Variants in ZPBP observed in about 807,000 individuals in gnomAD.
ZPBP encodes the protein zona pellucida binding protein, also known as zona pellucida-binding protein 1.
In ZPBP, 26 loss-of-function variants were observed where a neutral mutation model predicts 44.8. That is an observed-to-expected ratio of 0.58 (90% CI 0.43 to 0.81). The LOEUF (loss-of-function observed/expected upper bound fraction) is 0.81, where lower values mean the gene tolerates loss of function less well. Ranked by LOEUF, ZPBP falls within the 30% of genes least tolerant of loss-of-function variation. The probability of loss-of-function intolerance (pLI) is 0.00; values close to 1 mark genes in which losing one functional copy is unlikely to be tolerated. For synonymous variants in ZPBP, 174 were observed against 153.2 expected, an observed-to-expected ratio of 1.14 and a Z score of -1.00; for missense variants, 409 against 434.0, an observed-to-expected ratio of 0.94 and a Z score of 0.51.
intron 1 of ZPBP, chr7:49,920,165 A>G (rs1793956059): frequency 6.6e-6 from 1 of 152,208 alleles, no homozygotes; most frequent in South Asian, 2.1e-4. Flanking sequence ...AGAGCAATAT[A>G]GAGCAAAACA....
intron 6 of ZPBP, among the ~76,000 whole-genome samples, chr7:49,994,686 G>A (rs569492500): frequency 6.6e-6 from 1 of 152,108 alleles, no homozygotes; most frequent in Admixed American, 6.5e-5. Flanking sequence ...AATTCTAAAG[G>A]CCTGTGATAT....
At chr7:50,048,193 T>C (rs1364666065) in intron 4 of ZPBP, among the ~76,000 whole-genome samples, 4 of 152,006 alleles carry the variant, frequency 2.6e-5, no homozygotes, top group African/African-American at 7.2e-5. Flanking sequence ...TTTATTATGA[T>C]AAAAAGGTCA....
intron 2 of ZPBP, among the ~76,000 whole-genome samples, chr7:49,857,002 A>C: frequency 9.3e-6 from 1 of 107,570 alleles, no homozygotes. Context: ...AGAGCCAGAT[A>C]CTGTCTCAAA....
At chr7:49,980,524 C>G (rs1374943130) in intron 7 of ZPBP, among the ~76,000 whole-genome samples, 2 of 151,350 alleles carry the variant, frequency 1.3e-5, no homozygotes, top group African/African-American at 2.4e-5. Context: ...AAGTTTGAGA[C>G]TGGGCATTCG....
chr7:49,878,682 T>C (rs1182330539), intron 2 of ZPBP, among the ~76,000 whole-genome samples: 2 of 152,194 alleles, frequency 1.3e-5, no homozygotes, highest in Non-Finnish European at 2.9e-5. Context: ...TGTGGTTCAA[T>C]GTCTTTGATA....
intron 2 of ZPBP, among the ~76,000 whole-genome samples, chr7:49,894,235 C>T (rs941064686): frequency 6.6e-6 from 1 of 152,222 alleles, no homozygotes; most frequent in South Asian, 2.1e-4. Flanking sequence ...CAGCTCACCT[C>T]AGCCTCGACC....
At chr7:49,926,352 TG>T (rs1473281735) in intron 1 of ZPBP, among the ~76,000 whole-genome samples, 1 of 152,232 alleles carries the variant, frequency 6.6e-6, no homozygotes, top group Non-Finnish European at 1.5e-5. Flanking sequence ...TTCTACTACC[TG>T]CAGCTTAGGC....
chr7:50,021,069 T>A (rs1019664309), intron 5 of ZPBP, among the ~76,000 whole-genome samples: 8 of 152,014 alleles, frequency 5.3e-5, no homozygotes, highest in African/African-American at 1.9e-4. Flanking sequence ...ATTTCAAAAG[T>A]ATCCATTACA....
At chr7:49,883,318 C>G (rs1274260035) in intron 2 of ZPBP, among the ~76,000 whole-genome samples, 1 of 151,970 alleles carries the variant, frequency 6.6e-6, no homozygotes, top group Admixed American at 6.6e-5. Flanking sequence ...GCCGAGTTAG[C>G]AAGCTGCAAT....
At chr7:49,955,521 C>A (rs1795551626) in intron 7 of ZPBP, among the ~76,000 whole-genome samples, 1 of 151,908 alleles carries the variant, frequency 6.6e-6, no homozygotes, top group Non-Finnish European at 1.5e-5. Flanking sequence ...CACGCCACTG[C>A]ACTCCAGCCT....
At chr7:50,010,635 T>C (rs1446143321) in intron 6 of ZPBP, among the ~76,000 whole-genome samples, 1 of 151,966 alleles carries the variant, frequency 6.6e-6, no homozygotes, top group South Asian at 2.1e-4. Flanking sequence ...CTTAGGAATA[T>C]ACCTAATAAA....
chr7:50,021,943 G>A (rs993306009), intron 5 of ZPBP, among the ~76,000 whole-genome samples: 4 of 152,128 alleles, frequency 2.6e-5, no homozygotes, highest in African/African-American at 9.7e-5. Context: ...AAAGCAGCAA[G>A]AAAGAAGTAA....
downstream of ZPBP, among the ~76,000 whole-genome samples, chr7:49,936,901 C>T (rs754725078): frequency 4.6e-5 from 7 of 151,986 alleles, no homozygotes; most frequent in Non-Finnish European, 1.0e-4. Context: ...GAAAGTTCAA[C>T]TATTAATTTA....
intron 7 of ZPBP, among the ~76,000 whole-genome samples, chr7:49,969,155 C>G (rs1350513498): frequency 4.0e-5 from 6 of 149,160 alleles, no homozygotes. Context: ...AGTATTTATA[C>G]ATATTTTTAT....
chr7:49,919,856 G>T (rs1218753985), intron 1 of ZPBP: 1 of 152,130 alleles, frequency 6.6e-6, no homozygotes, highest in Non-Finnish European at 1.5e-5. Context: ...AGGCATCAGT[G>T]CAATAAAGGA....
At chr7:49,997,010 C>G (rs937444854) in intron 6 of ZPBP, among the ~76,000 whole-genome samples, 35 of 152,192 alleles carry the variant, frequency 2.3e-4, no homozygotes, top group African/African-American at 8.2e-4. Flanking sequence ...ACTGTAAAGT[C>G]TGGCCTACAG....
At position 49,884,361 on chromosome 7, in the gene ZPBP, G is replaced by A. The variant is rs766729184; in HGVS notation, n.509+16757C>T. Reference sequence around the variant, plus strand: ...ATTGCCAGGGAAGAAGGCTTTAACCGGGTGCTACAGCCGAGGAGAACAGGA... The same window carrying A: ...ATTGCCAGGGAAGAAGGCTTTAACCAGGTGCTACAGCCGAGGAGAACAGGA... On this transcript the variant is annotated intron_variant and non_coding_transcript_variant, in intron 2 of 2. Transcript: ENST00000465922. Among the ~76,000 whole-genome samples, 9 of 152,306 alleles carry A rather than the reference G, an allele frequency of 5.9e-5. No homozygotes were observed. In the South Asian group the frequency reaches 1.7e-3, roughly 28 times the overall value.
chr7:49,962,632 A>G lies in ZPBP; in HGVS notation c.961+20710T>C, dbSNP rs10273791. On this transcript the variant is annotated intron_variant, in intron 7 of 7. Transcript: ENST00000046087. ...AAAGTTTTCTAAATACAATAGTCTCATGAGTCAATAAAAAGAAATAATGAG... is the reference window on the plus strand; with the variant it reads ...AAAGTTTTCTAAATACAATAGTCTCGTGAGTCAATAAAAAGAAATAATGAG... Among the ~76,000 whole-genome samples, 682 of 152,020 alleles carry G rather than the reference A, an allele frequency of 4.5e-3. 4 individuals are homozygous for G. The highest frequency in any genetic ancestry group is 0.016 in the African/African-American group (645 of 41,540).
intron 7 of ZPBP, among the ~76,000 whole-genome samples, chr7:49,966,359 A>G (rs907006723): frequency 2.6e-5 from 4 of 152,272 alleles, no homozygotes; most frequent in Non-Finnish European, 2.9e-5. Flanking sequence ...GTCTCCATAT[A>G]TAGACATGAC....
Sources: gnomAD v4.1 joint callset for allele counts (sites outside exome capture counted in the v4.1 genomes callset) on GRCh38, gnomAD v4.1.1 for gene constraint, MANE v1.5 for transcripts, NCBI Gene and HGNC (gene_info 2026-07-23, HGNC 2026-07-21) for gene names.